Variants in PHACTR3 observed in about 807,000 individuals in gnomAD.
PHACTR3 encodes protein phosphatase 1, regulatory subunit 123.
In PHACTR3, 16 loss-of-function variants were observed where a neutral mutation model predicts 66.8. The ratio of observed to expected loss-of-function variants is 0.24; its 90% CI spans 0.16 to 0.36. The LOEUF (loss-of-function observed/expected upper bound fraction) is 0.36, where lower values mean the gene tolerates loss of function less well. Among genes scored for constraint, PHACTR3 ranks in the 10% least tolerant of loss-of-function variants. The probability of loss-of-function intolerance (pLI) is 1.00; values close to 1 mark genes in which losing one functional copy is unlikely to be tolerated. For missense variants in PHACTR3, 647 were observed against 719.9 expected, an observed-to-expected ratio of 0.90 and a Z score of 1.16; for synonymous variants, 323 against 292.1, an observed-to-expected ratio of 1.11 and a Z score of -1.08.
rs757298186 is a variant in PHACTR3, at chr20:59,755,249, C to A, written c.426C>A (p.Pro142=). 1 of 1,613,998 alleles carries A rather than the reference C, an allele frequency of 6.2e-7. No individual in the cohort carries two copies. Among genetic ancestry groups the A allele is most frequent in the South Asian group, 1.1e-5 (1 of 91,088 alleles). Residue 142 remains proline (P), a synonymous_variant, in exon 4 of 13, where the codon CCC becomes CCA. Coordinates refer to ENST00000371015, the MANE Select transcript of PHACTR3 (RefSeq NM_080672.5). ...PRSVQSEPPT[P]KSETLTSEDA... ...CTGTACAGAGTGAACCACCCACTCCCAAGTCGGAGACGCTGACTTCAGAAG... is the reference window on the plus strand; with the variant it reads ...CTGTACAGAGTGAACCACCCACTCCAAAGTCGGAGACGCTGACTTCAGAAG...
intron 4 of PHACTR3, 147 bp downstream of exon 4, chr20:59,755,511 G>A (rs946387953): frequency 6.5e-6 from 6 of 927,942 alleles, no homozygotes; most frequent in Middle Eastern, 3.3e-4. Context: ...CTGCCATGCT[G>A]TGCTGCCTGG....
intron 7 of PHACTR3, among the ~76,000 whole-genome samples, chr20:59,800,052 T>C (rs2041368178): frequency 6.6e-6 from 1 of 152,212 alleles, no homozygotes; most frequent in Admixed American, 6.5e-5. Context: ...AGTATGCTAA[T>C]TCACTTTTAG....
chr20:59,743,252 G>C lies in PHACTR3; in HGVS notation c.264G>C (p.Leu88=), dbSNP rs1260301058. 2 of 1,614,086 alleles carry C rather than the reference G, an allele frequency of 1.2e-6. No homozygotes were observed. The highest frequency in any genetic ancestry group is 1.7e-5 in the Admixed American group (1 of 60,018). The part of the protein sequence containing the change: ...WKWRKKKNEK[L]KQTTSALEKK... ...GGAGGAAAAAGAAAAACGAAAAACT[G>C]AAGCAGACAACGTCAGGTAAAGGCC... The change falls in exon 2 of 13, where the codon CTG becomes CTC. Residue 88 remains leucine (L), a synonymous_variant. Transcript: ENST00000371015.
chr20:59,720,679 G>A (rs181137796), intron 1 of PHACTR3, among the ~76,000 whole-genome samples: 9 of 152,262 alleles, frequency 5.9e-5, no homozygotes, highest in African/African-American at 1.7e-4. Context: ...TGTGTTTGCC[G>A]TGCATTTTTT....
chr20:59,604,060 C>G (rs376217467), upstream of PHACTR3: 1 of 153,092 alleles, frequency 6.5e-6, no homozygotes, highest in Non-Finnish European at 1.4e-5. Flanking sequence ...TCTCCCCCGC[C>G]CCCCCGCCCC....
At chr20:59,677,911 C>A (rs1417457324) in intron 1 of PHACTR3, among the ~76,000 whole-genome samples, 1 of 152,176 alleles carries the variant, frequency 6.6e-6, no homozygotes, top group Non-Finnish European at 1.5e-5. Flanking sequence ...GGAATGCAGT[C>A]CCAGAGCCAC....
At chr20:59,750,845 G>A (rs2039552793) in intron 3 of PHACTR3, among the ~76,000 whole-genome samples, 1 of 152,166 alleles carries the variant, frequency 6.6e-6, no homozygotes, top group African/African-American at 2.4e-5. Flanking sequence ...TAATCAACGT[G>A]CTGTAATAAC....
chr20:59,736,124 G>A lies in PHACTR3; in HGVS notation c.119-6983G>A, dbSNP rs1453616060. ...AGTTGCAAGCATGTGACATCAGCAG[G>A]GGAGGGCCAGCTGCCCCATCCATCA... On this transcript the variant is annotated intron_variant, in intron 1 of 12. Coordinates refer to ENST00000371015, the MANE Select transcript of PHACTR3 (RefSeq NM_080672.5). The surrounding 1 kb of genome is among the most constrained non-coding windows in gnomAD (Gnocchi z 4.6). Among the ~76,000 whole-genome samples, 1 of 152,098 alleles carries A rather than the reference G, an allele frequency of 6.6e-6. No homozygotes were observed. The highest frequency in any genetic ancestry group is 2.4e-5 in the African/African-American group (1 of 41,422).
rs151001681 is a variant in PHACTR3 at position 59,612,504 on chromosome 20, C to A, written c.118+7372C>A. On this transcript the variant is annotated intron_variant, in intron 1 of 12. Transcript: ENST00000371015. The stretch of plus-strand genomic sequence containing the variant: ...GGTTCAAGCAATTCTCCTGCCTCAG[C>A]CTCCCGAGTGGCTGGGACTACAGGT... Among the ~76,000 whole-genome samples the A allele has an allele frequency of 6.6e-4, 101 of 152,260 alleles. No homozygotes were observed. In the East Asian group the frequency reaches 0.019, roughly 28 times the overall value.
chr20:59,609,428 C>T (rs2033780751), intron 1 of PHACTR3, among the ~76,000 whole-genome samples: 1 of 152,146 alleles, frequency 6.6e-6, no homozygotes, highest in Non-Finnish European at 1.5e-5. Context: ...ACAGGTCTGC[C>T]AGACACGGGC....
At chr20:59,760,826 TG>T (rs2039971970) in intron 4 of PHACTR3, among the ~76,000 whole-genome samples, 1 of 152,170 alleles carries the variant, frequency 6.6e-6, no homozygotes, top group South Asian at 2.1e-4. Flanking sequence ...GGCTGAGTTC[TG>T]GCCTTCCCAC....
chr20:59,594,337 GT>G (rs77578962), intron 1 of PHACTR3, among the ~76,000 whole-genome samples: 62,602 of 146,654 alleles, frequency 0.43, 13,309 homozygotes, highest in Middle Eastern at 0.51. Flanking sequence ...TTTTGGTCGA[GT>G]TTTTTTTTTT....
intron 1 of PHACTR3, among the ~76,000 whole-genome samples, chr20:59,682,026 AAG>A (rs1467512639): frequency 0.026 from 4,001 of 151,434 alleles, 72 homozygotes; most frequent in Middle Eastern, 0.058. Context: ...AAAAAAAAGA[AAG>A]AAAGAAAGAA....
In PHACTR3 at chr20:59,677,541, C is replaced by T. The variant is rs1033394018; in HGVS notation, c.119-65566C>T. 3.9e-5 allele frequency among the ~76,000 whole-genome samples: 6 copies of T among 152,318 alleles called. No homozygotes were observed. In the South Asian group the frequency reaches 1.2e-3, roughly 32 times the overall value. ...TGGGTCATGGTTAAGTTCTTGGAAG[C>T]AACATTGGTTTCCAAAGGTGCCTGC... On this transcript the variant is annotated intron_variant, in intron 1 of 12. Coordinates refer to ENST00000371015, the MANE Select transcript of PHACTR3 (RefSeq NM_080672.5).
intron 1 of PHACTR3, among the ~76,000 whole-genome samples, chr20:59,659,153 T>G (rs1212682435): frequency 3.3e-5 from 5 of 152,198 alleles, no homozygotes; most frequent in Non-Finnish European, 5.9e-5. Context: ...ATTTCAAAGT[T>G]GTGTGATAAT....
At chr20:59,590,031 C>T (rs1189834997) in intron 1 of PHACTR3, among the ~76,000 whole-genome samples, 2 of 152,204 alleles carry the variant, frequency 1.3e-5, no homozygotes, top group Non-Finnish European at 1.5e-5. Flanking sequence ...ATGCCCAGAA[C>T]ATCCGCCCTG....
chr20:59,835,800 G>C (rs2042508886), intron 8 of PHACTR3: 1 of 152,258 alleles, frequency 6.6e-6, no homozygotes, highest in South Asian at 2.1e-4. Flanking sequence ...CGTCTGGGCT[G>C]ATGGTGGGAG....
intron 1 of PHACTR3, among the ~76,000 whole-genome samples, chr20:59,685,446 T>A (rs2036827721): frequency 6.6e-6 from 1 of 152,164 alleles, no homozygotes; most frequent in Non-Finnish European, 1.5e-5. Context: ...ATTTTCCTCA[T>A]CTGTAAGATG....
rs113215712 is a variant in PHACTR3 at position 59,789,395 on chromosome 20, G to A, written c.1174+14905G>A. 2.2e-3 allele frequency among the ~76,000 whole-genome samples: 328 copies of A among 152,362 alleles called. 4 individuals are homozygous for A. The highest frequency in any genetic ancestry group is 7.4e-3 in the African/African-American group (307 of 41,592). ...CAGACTTAGCAGAGATTGCCTGTGA[G>A]CATGACAGCTGAAGGTCAGGGGGTG... On this transcript the variant is annotated intron_variant, in intron 7 of 12. Coordinates refer to ENST00000371015, the MANE Select transcript of PHACTR3 (RefSeq NM_080672.5).
Sources: allele counts gnomAD v4.1 joint callset (sites outside exome capture counted in the v4.1 genomes callset), GRCh38; gene constraint gnomAD v4.1.1; non-coding constraint Gnocchi (gnomAD v3.1); transcripts MANE v1.5; gene names NCBI Gene and HGNC (gene_info 2026-07-23, HGNC 2026-07-21).